LINGO2: variants seen among roughly 807,000 people sequenced by gnomAD.
LINGO2 encodes the protein leucine rich repeat and Ig domain containing 2.
LINGO2 carries 14 observed loss-of-function variants against 30.6 expected under a neutral mutation model. That is an observed-to-expected ratio of 0.46 (90% CI 0.30 to 0.72). The LOEUF (loss-of-function observed/expected upper bound fraction) is 0.72. Among genes scored for constraint, LINGO2 ranks in the 30% least tolerant of loss-of-function variants. The probability of loss-of-function intolerance (pLI) is 0.07; values close to 1 mark genes in which losing one functional copy is unlikely to be tolerated. For missense variants in LINGO2, 729 were observed against 751.7 expected (o/e 0.97, Z 0.35); for synonymous variants, 317 against 288.5 (o/e 1.10, Z -1.00).
chr9:28,037,374 C>G (rs1344726892), intron 4 of LINGO2, among the ~76,000 whole-genome samples: 2 of 152,150 alleles, frequency 1.3e-5, no homozygotes, highest in Admixed American at 6.5e-5. Context: ...TATTTCAGAA[C>G]TTTTCACACT....
chr9:28,002,412 T>G (rs369614381), intron 5 of LINGO2, among the ~76,000 whole-genome samples: 89 of 152,286 alleles, frequency 5.8e-4, no homozygotes, highest in Middle Eastern at 3.4e-3. Context: ...ATTTATTTAT[T>G]TTTCTATTGT....
At chr9:28,270,510 T>C (rs1297614826) in intron 4 of LINGO2, among the ~76,000 whole-genome samples, 2 of 151,908 alleles carry the variant, frequency 1.3e-5, no homozygotes, top group African/African-American at 4.8e-5. Context: ...TGCCTCAAAA[T>C]AGTGTGAGAG....
the LINGO2 span, among the ~76,000 whole-genome samples, chr9:29,038,683 A>AC: frequency 6.6e-6 from 1 of 151,622 alleles, no homozygotes; most frequent in African/African-American, 2.4e-5. Context: ...GAAAAAAAAA[A>AC]AAAAAAAACA....
At chr9:28,973,698 C>A in the LINGO2 span, among the ~76,000 whole-genome samples, 1 of 152,148 alleles carries the variant, frequency 6.6e-6, no homozygotes, top group African/African-American at 2.4e-5. Flanking sequence ...TCAGGTATGT[C>A]TTTATTAGCA....
chr9:28,003,386 TAG>T (rs71304830), intron 5 of LINGO2, among the ~76,000 whole-genome samples: 34 of 134,956 alleles, frequency 2.5e-4, no homozygotes, highest in South Asian at 4.6e-4. Context: ...TAGATAGATA[TAG>T]AGAGAGAGAG....
chr9:28,330,272 G>C (rs1825373495), intron 3 of LINGO2, among the ~76,000 whole-genome samples: 1 of 152,142 alleles, frequency 6.6e-6, no homozygotes, highest in African/African-American at 2.4e-5. Flanking sequence ...AAAATTGTGA[G>C]AAATAAATTT....
intron 4 of LINGO2, among the ~76,000 whole-genome samples, chr9:28,171,412 G>C (rs115766741): frequency 1.4e-3 from 207 of 152,112 alleles, no homozygotes; most frequent in African/African-American, 4.7e-3. Flanking sequence ...ATCAGGGTAG[G>C]GCTGTACCTG....
chr9:28,872,184 A>G, the LINGO2 span, among the ~76,000 whole-genome samples: 12 of 152,074 alleles, frequency 7.9e-5, no homozygotes, highest in Non-Finnish European at 7.4e-5. Context: ...GATGGGCATG[A>G]TAAAATATCT....
chr9:28,800,146 TCATAG>T, the LINGO2 span, among the ~76,000 whole-genome samples: 1 of 152,080 alleles, frequency 6.6e-6, no homozygotes. Context: ...GATTTCAGAT[TCATAG>T]CATCTTTCTA....
At chr9:28,346,884 C>T (rs191346689) in intron 3 of LINGO2, among the ~76,000 whole-genome samples, 8 of 151,412 alleles carry the variant, frequency 5.3e-5, no homozygotes, top group Non-Finnish European at 3.0e-5. Context: ...AATAGAGTTG[C>T]TTTTTTCTTG....
intron 5 of LINGO2, among the ~76,000 whole-genome samples, chr9:27,974,727 A>T (rs924265206): frequency 3.3e-5 from 5 of 152,140 alleles, no homozygotes; most frequent in African/African-American, 9.7e-5. Flanking sequence ...AAAATACCTT[A>T]AAGTCATTTA....
At chr9:29,143,909 A>G in the LINGO2 span, among the ~76,000 whole-genome samples, 2 of 152,160 alleles carry the variant, frequency 1.3e-5, no homozygotes, top group Non-Finnish European at 2.9e-5. Context: ...TGGGTTGCAC[A>G]TTAAAGTATT....
intron 1 of LINGO2, among the ~76,000 whole-genome samples, chr9:28,637,166 G>A (rs1827321711): frequency 1.3e-5 from 2 of 152,078 alleles, no homozygotes; most frequent in South Asian, 2.1e-4. Context: ...GCTCTGTTCT[G>A]TTCCATTGGT....
intron 4 of LINGO2, among the ~76,000 whole-genome samples, chr9:28,240,493 C>T (rs552327552): frequency 4.9e-4 from 75 of 152,208 alleles, no homozygotes; most frequent in Admixed American, 2.2e-3. Flanking sequence ...AATCCACACA[C>T]CTGCAGTAAA....
At chr9:28,416,081 T>C (rs2134847241) in intron 2 of LINGO2, among the ~76,000 whole-genome samples, 1 of 152,288 alleles carries the variant, frequency 6.6e-6, no homozygotes, top group East Asian at 1.9e-4. Flanking sequence ...TTTTATGTTT[T>C]TTGATTACTT....
chr9:28,779,119 G>A, the LINGO2 span, among the ~76,000 whole-genome samples: 1 of 152,254 alleles, frequency 6.6e-6, no homozygotes, highest in African/African-American at 2.4e-5. Context: ...ATGTTATTTA[G>A]TTCACAAAGA....
At chr9:29,053,084 G>T in the LINGO2 span, among the ~76,000 whole-genome samples, 1 of 151,808 alleles carries the variant, frequency 6.6e-6, no homozygotes, top group Non-Finnish European at 1.5e-5. Flanking sequence ...TTTCTCTTCT[G>T]TTTTGAGTGT....
chr9:29,158,309 T>C, the LINGO2 span, among the ~76,000 whole-genome samples: 1 of 151,888 alleles, frequency 6.6e-6, no homozygotes, highest in Non-Finnish European at 1.5e-5. Context: ...CGAGCTGAGA[T>C]CCTGTCACTG....
intron 4 of LINGO2, among the ~76,000 whole-genome samples, chr9:28,045,343 A>G (rs1189896001): frequency 6.6e-6 from 1 of 152,206 alleles, no homozygotes; most frequent in Non-Finnish European, 1.5e-5. Context: ...AGACTGCTTA[A>G]ACTGGAAGAA....
Sources: gnomAD v4.1 joint callset for allele counts (sites outside exome capture counted in the v4.1 genomes callset) on GRCh38, gnomAD v4.1.1 for gene constraint, MANE v1.5 for transcripts, NCBI Gene and HGNC (gene_info 2026-07-23, HGNC 2026-07-21) for gene names.